PALM2AKAP2: variants seen among roughly 807,000 people sequenced by gnomAD.
The protein encoded by PALM2AKAP2 is PALM2-AKAP2 fusion protein.
PALM2AKAP2 carries 37 observed loss-of-function variants against 71.5 expected under a neutral mutation model. The observed-to-expected ratio is 0.52, with a 90% CI of 0.40 to 0.68. The LOEUF is 0.68. PALM2AKAP2 is among the 30% of genes least tolerant of loss of function. The probability of loss-of-function intolerance (pLI) is 0.00; values close to 1 mark genes in which losing one functional copy is unlikely to be tolerated. For synonymous variants in PALM2AKAP2, 468 were observed against 478.8 expected (o/e 0.98, Z 0.29); for missense variants, 1,224 against 1,191.8 (o/e 1.03, Z -0.40).
At chr9:109,858,049 G>A (rs1432951540) in intron 1 of PALM2AKAP2, among the ~76,000 whole-genome samples, 3 of 152,196 alleles carry the variant, frequency 2.0e-5, no homozygotes, top group African/African-American at 7.2e-5. Flanking sequence ...CATTTATTAA[G>A]TCCCTGCACT....
At chr9:109,732,638 G>A (rs1828573847) in intron 1 of PALM2AKAP2, among the ~76,000 whole-genome samples, 1 of 152,202 alleles carries the variant, frequency 6.6e-6, no homozygotes, top group African/African-American at 2.4e-5. Context: ...ATGATACGGT[G>A]ATTACCTTCT....
chr9:109,904,376 C>T (rs1208767683), intron 3 of PALM2AKAP2, among the ~76,000 whole-genome samples: 8 of 152,128 alleles, frequency 5.3e-5, no homozygotes, highest in Admixed American at 3.3e-4. Flanking sequence ...AAGCATTACA[C>T]AAATGTTGTT....
chr9:110,151,918 A>G (rs148235664), intron 2 of PALM2AKAP2, among the ~76,000 whole-genome samples: 2 of 152,252 alleles, frequency 1.3e-5, no homozygotes, highest in Admixed American at 6.5e-5. Context: ...GTTGTTGTTT[A>G]AGGATAGTGA....
chr9:110,095,061 G>A (rs1236383693), intron 1 of PALM2AKAP2, among the ~76,000 whole-genome samples: 2 of 152,112 alleles, frequency 1.3e-5, no homozygotes, highest in Non-Finnish European at 1.5e-5. Context: ...GATTGGTAAC[G>A]TTTGATGGGA....
intron 1 of PALM2AKAP2, among the ~76,000 whole-genome samples, chr9:109,815,000 G>A (rs1227223819): frequency 1.3e-5 from 2 of 152,178 alleles, no homozygotes; most frequent in African/African-American, 4.8e-5. Context: ...TTTGAATTGG[G>A]AGGGATGGGG....
intron 1 of PALM2AKAP2, among the ~76,000 whole-genome samples, chr9:109,782,779 T>A (rs1437661193): frequency 6.9e-6 from 1 of 144,678 alleles, no homozygotes; most frequent in Non-Finnish European, 1.5e-5. Context: ...TGTGTGTGTA[T>A]GTGTGTGTGA....
intron 1 of PALM2AKAP2, among the ~76,000 whole-genome samples, chr9:109,840,683 C>G (rs180808628): frequency 7.7e-4 from 117 of 152,242 alleles, no homozygotes; most frequent in Middle Eastern, 3.4e-3. Context: ...AAAAAACAAA[C>G]AACCCAATCA....
At chr9:109,851,200 CAACAACAACAAAA>C (rs1829003390) in intron 1 of PALM2AKAP2, among the ~76,000 whole-genome samples, 1 of 46,712 alleles carries the variant, frequency 2.1e-5, no homozygotes. Flanking sequence ...ACAACAACAA[CAACAACAACAAAA>C]AAAAAAAAAC....
intron 6 of PALM2AKAP2, among the ~76,000 whole-genome samples, chr9:109,960,371 C>G (rs1307934488): frequency 6.6e-6 from 1 of 152,204 alleles, no homozygotes; most frequent in Non-Finnish European, 1.5e-5. Context: ...GGATAAAATA[C>G]TAATTTTTTA....
At chr9:109,698,776 G>C (rs1273503790) in intron 1 of PALM2AKAP2, among the ~76,000 whole-genome samples, 2 of 152,170 alleles carry the variant, frequency 1.3e-5, no homozygotes, top group Non-Finnish European at 2.9e-5. Context: ...CATTCAATAA[G>C]CATTTAATGA....
At chr9:109,891,070 A>G (rs575331295) in intron 3 of PALM2AKAP2, among the ~76,000 whole-genome samples, 4 of 152,298 alleles carry the variant, frequency 2.6e-5, no homozygotes, top group Non-Finnish European at 2.9e-5. Context: ...GGGTGCCTGG[A>G]GGAAGGCTTT....
At chr9:109,703,375 A>G (rs1828093718) in intron 1 of PALM2AKAP2, among the ~76,000 whole-genome samples, 1 of 152,188 alleles carries the variant, frequency 6.6e-6, no homozygotes, top group African/African-American at 2.4e-5. Context: ...AGTTTTCTAT[A>G]TATAAGATCC....
chr9:110,008,983 T>G (rs1186939727), intron 6 of PALM2AKAP2, among the ~76,000 whole-genome samples: 1 of 152,174 alleles, frequency 6.6e-6, no homozygotes, highest in African/African-American at 2.4e-5. Flanking sequence ...AGTGAAATCC[T>G]GTTACATGTC....
intron 6 of PALM2AKAP2, among the ~76,000 whole-genome samples, chr9:109,971,759 T>C (rs916470426): frequency 5.3e-5 from 8 of 152,140 alleles, no homozygotes; most frequent in African/African-American, 1.7e-4. Context: ...AAACCAGATC[T>C]TGTTGACCTG....
intron 5 of PALM2AKAP2, among the ~76,000 whole-genome samples, chr9:109,931,308 GGC>G (rs1831095731): frequency 1.3e-5 from 2 of 152,286 alleles, no homozygotes; most frequent in Admixed American, 6.5e-5. Context: ...GCTAATGGTG[GGC>G]TCAAGGGGTA....
intron 1 of PALM2AKAP2, among the ~76,000 whole-genome samples, chr9:109,783,816 C>T (rs1250662838): frequency 6.6e-6 from 1 of 152,198 alleles, no homozygotes; most frequent in Non-Finnish European, 1.5e-5. Context: ...AGGCTGAAAC[C>T]TTTATTTCAC....
chr9:110,049,608 T>C lies in PALM2AKAP2; in HGVS notation c.156+753T>C, dbSNP rs566659981. On this transcript the variant is annotated intron_variant, in intron 1 of 3. Transcript: ENST00000374525. ...GAGTTTGCGTCTCTGTGGGCCCTTC[T>C]TGGGGACACTCTGGGGTATGGGAAG... Among the ~76,000 whole-genome samples, 269 of 152,190 alleles carry C rather than the reference T, an allele frequency of 1.8e-3. 2 individuals are homozygous for C. The highest frequency in any genetic ancestry group is 2.0e-3 in the Non-Finnish European group (133 of 67,976).
intron 6 of PALM2AKAP2, chr9:109,942,886 G>A: frequency 6.2e-7 from 1 of 1,614,200 alleles, no homozygotes; most frequent in Non-Finnish European, 8.5e-7. Context: ...CACAAAGGAT[G>A]TAGAAGAGCT....
chr9:109,932,421 G>A (rs1831128154), intron 6 of PALM2AKAP2, among the ~76,000 whole-genome samples: 1 of 152,200 alleles, frequency 6.6e-6, no homozygotes, highest in Admixed American at 6.5e-5. Flanking sequence ...TATTTTCAAA[G>A]CCTGTGGTAT....
Sources: allele counts gnomAD v4.1 joint callset (sites outside exome capture counted in the v4.1 genomes callset), GRCh38; gene constraint gnomAD v4.1.1; transcripts MANE v1.5; gene names NCBI Gene and HGNC (gene_info 2026-07-23, HGNC 2026-07-21).